The following DOCK10 variants were observed in gnomAD, a reference collection of about 807,000 sequenced individuals.
The protein encoded by DOCK10 is dedicator of cytokinesis protein 10.
Under a neutral mutation model 280.1 loss-of-function variants are expected in DOCK10, and 145 were observed. The ratio of observed to expected loss-of-function variants is 0.52; its 90% CI spans 0.45 to 0.59. The LOEUF is 0.59. DOCK10 is among the 20% of genes least tolerant of loss of function. The pLI, the probability that DOCK10 is intolerant of heterozygous loss-of-function variation, is 0.00. For synonymous variants in DOCK10, 915 were observed against 942.2 expected (o/e 0.97, Z 0.53); for missense variants, 2,368 against 2,651.7 (o/e 0.89, Z 2.35).
In DOCK10 at chr2:225,042,282, C is replaced by CGCG; in HGVS notation, c.90_92dup (p.Ala31dup). The CGCG allele has an allele frequency of 1.2e-5, 16 of 1,338,970 alleles. No individual in the cohort carries two copies. Among genetic ancestry groups the CGCG allele is most frequent in the Non-Finnish European group, 1.5e-5 (16 of 1,043,060 alleles). 82.9% of individuals were successfully genotyped at this position (1,338,970 alleles called of 1,614,324 possible). On this transcript the variant is annotated inframe_insertion, in exon 1 of 56. Transcript: ENST00000258390. This position sits in a 1 kb window ranked among gnomAD's most constrained non-coding sequence, Gnocchi z 5.1. The stretch of plus-strand genomic sequence containing the variant: ...GCTGCTGCCGGCTGCTGACTGCCAC[C>CGCG]GCGGCGGCGGACGCGGCGCTGTGCC...
At chr2:224,792,906 T>C (rs1692298185) in intron 47 of DOCK10, 68 bp downstream of exon 47, 2 of 1,191,344 alleles carry the variant, frequency 1.7e-6, no homozygotes, top group Admixed American at 1.9e-5. Flanking sequence ...AAGGTTTCAC[T>C]GAAGTAGAAT....
At chr2:224,908,010 C>A (rs915516563) in intron 3 of DOCK10, among the ~76,000 whole-genome samples, 3 of 152,128 alleles carry the variant, frequency 2.0e-5, no homozygotes, top group Non-Finnish European at 4.4e-5. Context: ...CTAAGACAGT[C>A]TTGATGGATA....
chr2:225,014,101 T>TG (rs1454582204), intron 1 of DOCK10, among the ~76,000 whole-genome samples: 7 of 148,070 alleles, frequency 4.7e-5, no homozygotes, highest in African/African-American at 1.5e-4. Context: ...TTTTTTTGTT[T>TG]TTTTTTTTAA....
intron 31 of DOCK10, among the ~76,000 whole-genome samples, chr2:224,811,858 T>C (rs1480805019): frequency 2.0e-5 from 3 of 151,916 alleles, no homozygotes; most frequent in Non-Finnish European, 2.9e-5. Flanking sequence ...TCTGTTTTGG[T>C]ACCAGTACCA....
intron 1 of DOCK10, among the ~76,000 whole-genome samples, chr2:224,959,366 A>G (rs919541302): frequency 4.6e-5 from 7 of 152,182 alleles, no homozygotes; most frequent in African/African-American, 1.7e-4. Context: ...GTTTTTAAAT[A>G]AAACAACTTG....
chr2:224,855,093 A>C, intron 15 of DOCK10, 51 bp from the exon 16 acceptor site: 1 of 1,214,990 alleles, frequency 8.2e-7, no homozygotes, highest in Non-Finnish European at 1.2e-6. Flanking sequence ...ACACACACAC[A>C]CACACACAGA....
At chr2:224,785,926 G>C (rs1180132937) in intron 50 of DOCK10, among the ~76,000 whole-genome samples, 1 of 152,188 alleles carries the variant, frequency 6.6e-6, no homozygotes, top group Non-Finnish European at 1.5e-5. Flanking sequence ...GCCGGGTGTG[G>C]TGGCTCACGC....
intron 1 of DOCK10, among the ~76,000 whole-genome samples, chr2:224,963,742 T>G (rs1035349405): frequency 6.6e-6 from 1 of 152,218 alleles, no homozygotes; most frequent in Non-Finnish European, 1.5e-5. Flanking sequence ...ATATTAAGAA[T>G]GAAAGAAATA....
At chr2:225,008,915 A>G (rs937871715) in intron 1 of DOCK10, among the ~76,000 whole-genome samples, 1 of 152,180 alleles carries the variant, frequency 6.6e-6, no homozygotes, top group Non-Finnish European at 1.5e-5. Context: ...CACCGTTTCC[A>G]CCTCTCATAA....
intron 1 of DOCK10, among the ~76,000 whole-genome samples, chr2:224,974,791 C>CTA (rs201977468): frequency 1.2e-5 from 1 of 82,226 alleles, no homozygotes; most frequent in Non-Finnish European, 3.4e-5. Flanking sequence ...AATGTTCTCT[C>CTA]TATATATATC....
intron 7 of DOCK10, 127 bp from the exon 8 acceptor site, chr2:224,876,348 TC>T: frequency 1.2e-6 from 1 of 838,402 alleles, no homozygotes; most frequent in Non-Finnish European, 1.8e-6. Context: ...AAGAAAATTT[TC>T]CAGAACAAGA....
rs201901572 is a variant in DOCK10, at chr2:224,845,579, C to T, written c.2299G>A (p.Val767Ile). The T allele has an allele frequency of 7.9e-5, 127 of 1,613,104 alleles. No homozygotes were observed. In the Middle Eastern group the frequency reaches 8.2e-4, roughly 10 times the overall value. Residue 767 changes from valine (V) to isoleucine (I), a missense_variant, in exon 20 of 56, where the codon GTC (valine) becomes ATC (isoleucine). Transcript: ENST00000258390. ...GCTTTTGCATTGATGTCACAGGTGA[C>T]GTGATAAAAAGAAAACAAAATATGG... is the stretch of plus-strand genomic sequence containing the variant. ...KHHILFSFYH[V>I]TCDINAKANA...
intron 44 of DOCK10, among the ~76,000 whole-genome samples, chr2:224,795,553 CA>C (rs1367148859): frequency 3.3e-5 from 5 of 152,148 alleles, no homozygotes; most frequent in African/African-American, 1.2e-4. Flanking sequence ...TTGGAACTAT[CA>C]AACAAGGTGA....
chr2:224,918,008 CA>C (rs1238653015), intron 2 of DOCK10, among the ~76,000 whole-genome samples: 1 of 152,162 alleles, frequency 6.6e-6, no homozygotes, highest in Non-Finnish European at 1.5e-5. Flanking sequence ...TAAGAATCTC[CA>C]AACCCATCCT....
chr2:224,793,911 T>C (rs1692378474), intron 45 of DOCK10, among the ~76,000 whole-genome samples: 1 of 152,100 alleles, frequency 6.6e-6, no homozygotes, highest in South Asian at 2.1e-4. Context: ...ACCTCACGAG[T>C]ACTTGATTGA....
intron 1 of DOCK10, among the ~76,000 whole-genome samples, chr2:224,966,061 T>G (rs1704723559): frequency 6.6e-6 from 1 of 152,244 alleles, no homozygotes; most frequent in African/African-American, 2.4e-5. Context: ...TATAGCAGAA[T>G]GGAACTAATT....
intron 1 of DOCK10, among the ~76,000 whole-genome samples, chr2:224,966,099 G>A (rs949019129): frequency 6.8e-4 from 103 of 152,276 alleles, no homozygotes; most frequent in African/African-American, 2.5e-3. Flanking sequence ...AAACATGCAA[G>A]CGGGCACAAC....
chr2:224,921,743 T>C (rs1701763393), intron 2 of DOCK10, among the ~76,000 whole-genome samples: 1 of 152,198 alleles, frequency 6.6e-6, no homozygotes, highest in African/African-American at 2.4e-5. Flanking sequence ...GTATGATGTA[T>C]GCCCATAACG....
rs74805632 is a variant in DOCK10 at position 224,777,633 on chromosome 2, G to T, written c.5802+505C>A. ...CAACTTCCCTACTTTTGATGTTTTG[G>T]GACACAAAACTGGTTTCCTTGCTCC... is the stretch of plus-strand genomic sequence containing the variant. On this transcript the variant is annotated intron_variant, in intron 51 of 55. Coordinates refer to ENST00000258390, the MANE Select transcript of DOCK10 (RefSeq NM_014689.3). 8.7e-4 allele frequency among the ~76,000 whole-genome samples: 132 copies of T among 152,182 alleles called. 3 individuals are homozygous for T. The East Asian group carries it at 0.021, about 24-fold the overall frequency.
Sources: allele counts gnomAD v4.1 joint callset (sites outside exome capture counted in the v4.1 genomes callset), GRCh38; gene constraint gnomAD v4.1.1; non-coding constraint Gnocchi (gnomAD v3.1); transcripts MANE v1.5; gene names NCBI Gene and HGNC (gene_info 2026-07-23, HGNC 2026-07-21).